C20orf203: variants seen among roughly 807,000 people sequenced by gnomAD.
C20orf203 encodes chromosome 20 open reading frame 203, also known as uncharacterized protein C20orf203.
C20orf203 carries 16 observed loss-of-function variants against 15.9 expected under a neutral mutation model. That is an observed-to-expected ratio of 1.01 (90% CI 0.68 to 1.53). C20orf203 has a LOEUF of 1.53. Among genes scored for constraint, C20orf203 ranks in the 40% most tolerant of loss-of-function variants. The pLI is 0.00. For synonymous variants in C20orf203, 98 were observed against 97.2 expected (o/e 1.01, Z -0.05); for missense variants, 263 against 247.5 (o/e 1.06, Z -0.42).
At chr20:32,643,994 G>T (rs752690748) in intron 4 of C20orf203, among the ~76,000 whole-genome samples, 18 of 152,174 alleles carry the variant, frequency 1.2e-4, no homozygotes, top group Non-Finnish European at 2.5e-4. Flanking sequence ...GGTCAGAGTG[G>T]GAAGGCCACA....
At chr20:32,635,187 G>A (rs976991731) in intron 5 of C20orf203, among the ~76,000 whole-genome samples, 3 of 151,264 alleles carry the variant, frequency 2.0e-5, no homozygotes, top group Non-Finnish European at 2.9e-5. Context: ...GAGTGAGACC[G>A]TGTCTCAAAA....
At chr20:32,669,077 G>A (rs1231079455) in intron 1 of C20orf203, among the ~76,000 whole-genome samples, 4 of 152,240 alleles carry the variant, frequency 2.6e-5, no homozygotes, top group Non-Finnish European at 4.4e-5. Context: ...CATGCAGAGA[G>A]TCGTGTGCTG....
At chr20:32,647,690 G>A (rs762721581) in intron 4 of C20orf203, among the ~76,000 whole-genome samples, 9 of 152,190 alleles carry the variant, frequency 5.9e-5, no homozygotes, top group Non-Finnish European at 1.3e-4. Flanking sequence ...GGGTGACAGA[G>A]CAAGACCCTA....
Position 32,651,942 on chromosome 20 carries a change from A to G in C20orf203, c.-224T>C, listed in dbSNP as rs1982639853. 1 of 152,232 alleles carries G rather than the reference A, an allele frequency of 6.6e-6. No homozygotes were observed. Among genetic ancestry groups the G allele is most frequent in the African/African-American group, 2.4e-5 (1 of 41,460 alleles). The allele number at this position is 152,232 out of a possible 1,614,324, so 9.4% of individuals were successfully genotyped here. On this transcript the variant is annotated 5_prime_UTR_variant, in exon 2 of 6. Coordinates refer to ENST00000608990, the MANE Select transcript of C20orf203 (RefSeq NM_182584.4). ...AACAAGACCCCAGGAAGGGACTAAG[A>G]TGAATCTGAGATTCACTCTGCCTTT...
At chr20:32,634,650 C>T (rs888699378) in intron 5 of C20orf203, among the ~76,000 whole-genome samples, 1 of 152,048 alleles carries the variant, frequency 6.6e-6, no homozygotes, top group Non-Finnish European at 1.5e-5. Context: ...AGGGGCCACA[C>T]TTGTCAAAGG....
Position 32,650,637 on chromosome 20 carries a change from C to G in C20orf203, c.380G>C (p.Arg127Pro). Reference protein sequence around the residue: ...RRDREVGRGLRAPAGRGRAMG... With the variant: ...RRDREVGRGLPAPAGRGRAMG... The stretch of plus-strand genomic sequence containing the variant: ...TGCCCTCCCCCGCCCAGCAGGGGCC[C>G]GCAGCCCCCTCCCCACTTCCCTATC... The change falls in exon 4 of 6, where the codon CGG (arginine) becomes CCG (proline). Residue 127 changes from arginine (R) to proline (P), a missense_variant. Transcript: ENST00000608990. The G allele has an allele frequency of 6.5e-7, 1 of 1,545,840 alleles. No individual in the cohort carries two copies. Among genetic ancestry groups the G allele is most frequent in the Non-Finnish European group, 8.7e-7 (1 of 1,143,160 alleles).
chr20:32,647,409 A>G (rs1337013865), intron 4 of C20orf203, among the ~76,000 whole-genome samples: 6 of 149,810 alleles, frequency 4.0e-5, no homozygotes, highest in South Asian at 2.1e-4. Context: ...AAAAAAAAAA[A>G]AAGAAGAACT....
intron 1 of C20orf203, among the ~76,000 whole-genome samples, chr20:32,671,158 GATCCAGGA>G (rs1433773646): frequency 6.6e-6 from 1 of 152,200 alleles, no homozygotes; most frequent in Non-Finnish European, 1.5e-5. Context: ...ACTACCATAT[GATCCAGGA>G]ATCCCACTTG....
chr20:32,673,404 A>G (rs1259858280), intron 1 of C20orf203, among the ~76,000 whole-genome samples: 1 of 151,962 alleles, frequency 6.6e-6, no homozygotes, highest in Non-Finnish European at 1.5e-5. Flanking sequence ...GCTGCCGGAG[A>G]TGGGCTCAAC....
At chr20:32,644,385 T>C (rs529738527) in intron 4 of C20orf203, among the ~76,000 whole-genome samples, 2 of 152,146 alleles carry the variant, frequency 1.3e-5, no homozygotes, top group African/African-American at 4.8e-5. Flanking sequence ...GAGGAAAAGA[T>C]TGCAGTGAGC....
At chr20:32,635,029 G>A (rs1238321520) in intron 5 of C20orf203, among the ~76,000 whole-genome samples, 1 of 151,746 alleles carries the variant, frequency 6.6e-6, no homozygotes, top group East Asian at 1.9e-4. Flanking sequence ...GCAAAACTCT[G>A]TCTCTACCAA....
chr20:32,650,379 G>A lies in C20orf203; in HGVS notation c.*53C>T, dbSNP rs1216824501. 7.7e-7 allele frequency: 1 copy of A among 1,302,706 alleles called. No individual in the cohort carries two copies. Among genetic ancestry groups the A allele is most frequent in the East Asian group, 2.5e-5 (1 of 39,758 alleles). The allele number at this position is 1,302,706 out of a possible 1,614,324, so 80.7% of individuals were successfully genotyped here. ...ACAGGGGACACCCTGAGGTGGTGGT[G>A]GCCTTGGTAGGACAGGCAGGCAGAG... On this transcript the variant is annotated 3_prime_UTR_variant, in exon 4 of 6. Coordinates refer to ENST00000608990, the MANE Select transcript of C20orf203 (RefSeq NM_182584.4).
chr20:32,638,706 G>C (rs1230128569), intron 5 of C20orf203, among the ~76,000 whole-genome samples: 1 of 152,242 alleles, frequency 6.6e-6, no homozygotes, highest in Non-Finnish European at 1.5e-5. Flanking sequence ...TCTCAGCAAA[G>C]CTGTCCTTGC....
intron 1 of C20orf203, among the ~76,000 whole-genome samples, chr20:32,671,776 T>G (rs1340342772): frequency 7.2e-6 from 1 of 139,572 alleles, no homozygotes; most frequent in East Asian, 2.1e-4. Flanking sequence ...GAGTTGGAGG[T>G]TAAGGTGAGC....
At position 32,631,934 on chromosome 20, in the gene C20orf203, C is replaced by T. The variant is rs914189567; in HGVS notation, c.*3636G>A. 6.6e-6 allele frequency: 1 copy of T among 152,238 alleles called. No homozygotes were observed. Among genetic ancestry groups the T allele is most frequent in the Non-Finnish European group, 1.5e-5 (1 of 68,064 alleles). 9.4% of individuals were successfully genotyped at this position (152,238 alleles called of 1,614,324 possible). A position where few individuals can be genotyped will look rare whatever the true frequency, so the allele number is the denominator to read the frequency against. ...CACAGCAGCAGTAGCATACGCAGGT[C>T]CCTGCAATCTGGAGGTATGTGACAC... On this transcript the variant is annotated 3_prime_UTR_variant, in exon 6 of 6. Coordinates refer to ENST00000608990, the MANE Select transcript of C20orf203 (RefSeq NM_182584.4).
chr20:32,670,592 G>C (rs112187565), intron 1 of C20orf203, among the ~76,000 whole-genome samples: 25 of 152,220 alleles, frequency 1.6e-4, no homozygotes, highest in Middle Eastern at 3.4e-3. Flanking sequence ...CCAGCACTTT[G>C]GGAAGCCGAG....
At chr20:32,647,787 G>A (rs1349021027) in intron 4 of C20orf203, among the ~76,000 whole-genome samples, 1 of 152,168 alleles carries the variant, frequency 6.6e-6, no homozygotes. Flanking sequence ...AAACTACCAC[G>A]GGTCGGGGAA....
At chr20:32,638,958 T>C (rs1600925668) in intron 5 of C20orf203, among the ~76,000 whole-genome samples, 1 of 152,262 alleles carries the variant, frequency 6.6e-6, no homozygotes, top group East Asian at 1.9e-4. Context: ...TCTGACTTAC[T>C]TAATTCTTAC....
At chr20:32,637,328 G>A (rs145965121) in intron 5 of C20orf203, among the ~76,000 whole-genome samples, 119 of 152,242 alleles carry the variant, frequency 7.8e-4, no homozygotes, top group Middle Eastern at 6.8e-3. Flanking sequence ...CAGGAGAACC[G>A]CTTGAACCCA....
Sources: gnomAD v4.1 joint callset for allele counts (sites outside exome capture counted in the v4.1 genomes callset) on GRCh38, gnomAD v4.1.1 for gene constraint, MANE v1.5 for transcripts, NCBI Gene and HGNC (gene_info 2026-07-23, HGNC 2026-07-21) for gene names.